ACTR2: variants seen among roughly 807,000 people sequenced by gnomAD.
The protein encoded by ACTR2 is actin related protein 2.
A neutral mutation model predicts 50.2 loss-of-function variants in ACTR2; 5 were observed. That is an observed-to-expected ratio of 0.10 (90% confidence interval 0.05 to 0.21). The LOEUF (loss-of-function observed/expected upper bound fraction) is 0.21, where lower values mean the gene tolerates loss of function less well. Ranked by LOEUF, ACTR2 falls within the 10% of genes least tolerant of loss-of-function variation. The probability of loss-of-function intolerance (pLI) is 1.00; values close to 1 mark genes in which losing one functional copy is unlikely to be tolerated. For missense variants in ACTR2, 180 were observed against 480.6 expected (o/e 0.37, Z 5.85); for synonymous variants, 140 against 162.9 (o/e 0.86, Z 1.07).
chr2:65,258,200 A>G (rs1672188587), intron 6 of ACTR2, among the ~76,000 whole-genome samples: 1 of 152,168 alleles, frequency 6.6e-6, no homozygotes, highest in African/African-American at 2.4e-5. Context: ...ACAGGGCAAA[A>G]GATAAGCAAA....
intron 1 of ACTR2, among the ~76,000 whole-genome samples, chr2:65,230,705 C>T (rs1218955380): frequency 1.3e-5 from 2 of 151,926 alleles, no homozygotes; most frequent in African/African-American, 2.4e-5. Context: ...GCCACTGCAC[C>T]CTGCTGTCAG....
At chr2:65,249,154 A>G (rs924756290) in intron 3 of ACTR2, among the ~76,000 whole-genome samples, 2 of 152,224 alleles carry the variant, frequency 1.3e-5, no homozygotes, top group Non-Finnish European at 2.9e-5. Context: ...GTATATATGA[A>G]GTAGAAATTT....
intron 1 of ACTR2, among the ~76,000 whole-genome samples, chr2:65,237,475 C>A (rs1671761447): frequency 1.3e-5 from 2 of 152,000 alleles, no homozygotes; most frequent in Non-Finnish European, 2.9e-5. Context: ...CTTCTGGGCT[C>A]AAGTGATCTA....
At chr2:65,251,446 C>T (rs1672049050) in intron 4 of ACTR2, among the ~76,000 whole-genome samples, 1 of 152,156 alleles carries the variant, frequency 6.6e-6, no homozygotes, top group Non-Finnish European at 1.5e-5. Flanking sequence ...ACCACAACCT[C>T]CACCTCCTGG....
Position 65,259,624 on chromosome 2 carries a change from G to A in ACTR2, c.736-1623G>A, listed in dbSNP as rs796766869. Among the ~76,000 whole-genome samples the A allele has an allele frequency of 8.5e-5, 13 of 152,266 alleles. No individual in the cohort carries two copies. In the East Asian group the frequency reaches 2.5e-3, roughly 29 times the overall value. On this transcript the variant is annotated intron_variant, in intron 6 of 8. Coordinates refer to ENST00000260641, the MANE Select transcript of ACTR2 (RefSeq NM_005722.4). The stretch of plus-strand genomic sequence containing the variant: ...CATGCCTGTAATCTCAGCTACTTGG[G>A]GGGCTGAGGTATGAGAATCATTTGA...
chr2:65,228,778 C>A (rs1015629767), intron 1 of ACTR2, among the ~76,000 whole-genome samples: 1 of 152,194 alleles, frequency 6.6e-6, no homozygotes, highest in Middle Eastern at 3.4e-3. Context: ...ATTGTAAAAT[C>A]TGACTAAAGC....
intron 1 of ACTR2, among the ~76,000 whole-genome samples, chr2:65,236,873 T>C (rs1671750530): frequency 6.6e-6 from 1 of 152,220 alleles, no homozygotes; most frequent in Admixed American, 6.5e-5. Context: ...TGCTCTTTTC[T>C]GTCTACCTTT....
At chr2:65,240,059 G>T in intron 2 of ACTR2, 97 bp downstream of exon 2, 1 of 790,420 alleles carries the variant, frequency 1.3e-6, no homozygotes. Flanking sequence ...AAAATATGTT[G>T]CCATGAAAAG....
chr2:65,248,999 C>T (rs964358473), intron 3 of ACTR2, among the ~76,000 whole-genome samples: 1 of 150,442 alleles, frequency 6.6e-6, no homozygotes, highest in African/African-American at 2.4e-5. Context: ...AGCGACAGAG[C>T]GAGACTCTGT....
At chr2:65,229,531 G>C (rs980926693) in intron 1 of ACTR2, among the ~76,000 whole-genome samples, 2 of 151,938 alleles carry the variant, frequency 1.3e-5, no homozygotes, top group Non-Finnish European at 2.9e-5. Context: ...CTAGGCGGGC[G>C]GATCACCTGA....
chr2:65,264,238 A>C (rs1411917267), intron 7 of ACTR2, among the ~76,000 whole-genome samples: 4 of 152,226 alleles, frequency 2.6e-5, no homozygotes, highest in Non-Finnish European at 5.9e-5. Context: ...TACTTATCAC[A>C]TGAATCTGTA....
chr2:65,235,642 C>T (rs1671725397), intron 1 of ACTR2, among the ~76,000 whole-genome samples: 1 of 152,172 alleles, frequency 6.6e-6, no homozygotes, highest in Non-Finnish European at 1.5e-5. Flanking sequence ...GTAATCCCAT[C>T]TACTCAGGAG....
At chr2:65,246,469 G>C in intron 2 of ACTR2, 55 bp from the exon 3 acceptor site, 1 of 1,244,534 alleles carries the variant, frequency 8.0e-7, no homozygotes, top group Admixed American at 2.5e-5. Flanking sequence ...TTATTCCCAA[G>C]TTTTCTTAAA....
intron 6 of ACTR2, among the ~76,000 whole-genome samples, chr2:65,259,728 CA>C (rs945030072): frequency 9.9e-5 from 15 of 150,766 alleles, no homozygotes; most frequent in African/African-American, 3.7e-4. Flanking sequence ...GACTCTGTCT[CA>C]AAAAAAAATT....
chr2:65,251,163 C>A (rs940900410), intron 4 of ACTR2, 64 bp downstream of exon 4: 3 of 1,224,904 alleles, frequency 2.4e-6, no homozygotes, highest in Admixed American at 4.5e-5. Context: ...TGTTTTATGT[C>A]AGAGAATTTG....
intron 6 of ACTR2, among the ~76,000 whole-genome samples, chr2:65,256,656 G>C (rs1486148222): frequency 6.6e-6 from 1 of 152,176 alleles, no homozygotes; most frequent in African/African-American, 2.4e-5. Context: ...CGGATCACCT[G>C]AAGTCAGGAG....
At chr2:65,233,997 C>G (rs571918848) in intron 1 of ACTR2, among the ~76,000 whole-genome samples, 28 of 151,918 alleles carry the variant, frequency 1.8e-4, no homozygotes, top group Non-Finnish European at 4.0e-4. Flanking sequence ...GTAGCCTCAA[C>G]CTCCCTGGGC....
chr2:65,245,756 A>G (rs970269637), intron 2 of ACTR2, among the ~76,000 whole-genome samples: 1 of 152,224 alleles, frequency 6.6e-6, no homozygotes, highest in Non-Finnish European at 1.5e-5. Flanking sequence ...AATGTGGGTC[A>G]TCTTAAGTAT....
At chr2:65,261,427 C>A in intron 7 of ACTR2, 35 bp downstream of exon 7, 2 of 1,559,428 alleles carry the variant, frequency 1.3e-6, no homozygotes, top group African/African-American at 1.4e-5. Context: ...AGTTATTTAT[C>A]AGAAAAATCA....
Sources: gnomAD v4.1 joint callset for allele counts (sites outside exome capture counted in the v4.1 genomes callset) on GRCh38, gnomAD v4.1.1 for gene constraint, MANE v1.5 for transcripts, NCBI Gene and HGNC (gene_info 2026-07-23, HGNC 2026-07-21) for gene names.